The following STON1 variants were observed in gnomAD, a reference collection of about 807,000 sequenced individuals.
STON1 encodes the protein stonin 1.
Under a neutral mutation model 60.9 loss-of-function variants are expected in STON1, and 79 were observed. The observed-to-expected ratio is 1.30, with a 90% CI of 1.08 to 1.56. The LOEUF is 1.56. Among genes scored for constraint, STON1 ranks in the 40% most tolerant of loss-of-function variants. The probability of loss-of-function intolerance (pLI) is 0.00; values close to 1 mark genes in which losing one functional copy is unlikely to be tolerated. For synonymous variants in STON1, 363 were observed against 306.9 expected, an observed-to-expected ratio of 1.18 and a Z score of -1.91; for missense variants, 1,166 against 858.9, an observed-to-expected ratio of 1.36 and a Z score of -4.47.
At chr2:48,560,412 A>G (rs968324285) in intron 1 of STON1, among the ~76,000 whole-genome samples, 1 of 152,146 alleles carries the variant, frequency 6.6e-6, no homozygotes, top group African/African-American at 2.4e-5. Flanking sequence ...CCCCTTAGGG[A>G]TAATGCCCTT....
chr2:48,587,674 C>T (rs1347681511), intron 2 of STON1, among the ~76,000 whole-genome samples: 4 of 152,192 alleles, frequency 2.6e-5, no homozygotes, highest in African/African-American at 7.2e-5. Context: ...TGGACCTGAT[C>T]TTGGCCTTCA....
chr2:48,579,270 G>T (rs1405633337), intron 1 of STON1, among the ~76,000 whole-genome samples: 1 of 151,472 alleles, frequency 6.6e-6, no homozygotes, highest in African/African-American at 2.4e-5. Flanking sequence ...CTCCCAAAGT[G>T]CTGGGATTAT....
chr2:48,558,216 C>T (rs1202623252), intron 1 of STON1, among the ~76,000 whole-genome samples: 2 of 152,178 alleles, frequency 1.3e-5, no homozygotes, highest in African/African-American at 2.4e-5. Context: ...GAGCGAAACT[C>T]TGTCTGTCTC....
intron 3 of STON1, 71 bp downstream of exon 3, chr2:48,591,926 C>G: frequency 6.5e-7 from 1 of 1,544,938 alleles, no homozygotes; most frequent in Non-Finnish European, 8.8e-7. Flanking sequence ...CTTTTGTGAT[C>G]GTGTATGTGT....
intron 1 of STON1, among the ~76,000 whole-genome samples, chr2:48,564,599 C>CTCCTT (rs1479591843): frequency 2.3e-5 from 1 of 43,868 alleles, no homozygotes; most frequent in African/African-American, 7.9e-5. Flanking sequence ...TCCTCCTCCT[C>CTCCTT]CTCCTTCTCC....
rs571634051 is a variant in STON1, at chr2:48,598,375, C to G, written c.*3073C>G. On this transcript the variant is annotated 3_prime_UTR_variant, in exon 4 of 4. Transcript: ENST00000404752. ...GTTAGAAGGACTTCCTTAACAATGA[C>G]TATTATAATGTCTTACTTAAAATAC... The G allele has an allele frequency of 1.3e-5, 2 of 152,556 alleles. No individual in the cohort carries two copies. Among genetic ancestry groups the G allele is most frequent in the Non-Finnish European group, 2.9e-5 (2 of 68,034 alleles). 9.5% of individuals were successfully genotyped at this position (152,556 alleles called of 1,614,324 possible). A position where few individuals can be genotyped will look rare whatever the true frequency, so the allele number is the denominator to read the frequency against.
At chr2:48,589,440 G>A (rs1041527632) in intron 2 of STON1, among the ~76,000 whole-genome samples, 9 of 152,178 alleles carry the variant, frequency 5.9e-5, no homozygotes, top group African/African-American at 1.9e-4. Flanking sequence ...AAAATAATCT[G>A]TTAAGCCCCA....
chr2:48,582,573 C>A lies in STON1; in HGVS notation c.1930+10C>A. ...CCAGACAAAAATTCAAGTAAATATTCAACACCCCAAGTTTATTTTCATGGG... is the reference window on the plus strand; with the variant it reads ...CCAGACAAAAATTCAAGTAAATATTAAACACCCCAAGTTTATTTTCATGGG... On this transcript the variant is annotated intron_variant, in intron 2 of 3. Transcript: ENST00000404752. The A allele has an allele frequency of 6.2e-7, 1 of 1,601,800 alleles. No homozygotes were observed.
chr2:48,573,517 G>T (rs80103551), intron 1 of STON1, among the ~76,000 whole-genome samples: 10,034 of 152,252 alleles, frequency 0.066, 468 homozygotes, highest in Non-Finnish European at 0.099. Context: ...CACAGCTAGT[G>T]AGTGACAGAG....
intron 1 of STON1, among the ~76,000 whole-genome samples, chr2:48,563,662 C>A (rs1672700891): frequency 1.3e-5 from 2 of 151,512 alleles, no homozygotes; most frequent in South Asian, 4.2e-4. Flanking sequence ...GGCACACCCT[C>A]CACGTGGCTT....
intron 1 of STON1, among the ~76,000 whole-genome samples, chr2:48,540,329 G>C (rs929581605): frequency 6.6e-6 from 1 of 152,168 alleles, no homozygotes; most frequent in Non-Finnish European, 1.5e-5. Flanking sequence ...TTAGGCCTCA[G>C]AGGCAGCCCT....
At chr2:48,584,513 C>G (rs944480243) in intron 2 of STON1, among the ~76,000 whole-genome samples, 1 of 152,130 alleles carries the variant, frequency 6.6e-6, no homozygotes, top group African/African-American at 2.4e-5. Context: ...AGTGATCCAC[C>G]CGCCTTGGCC....
chr2:48,539,957 CACTA>C (rs1671590669), intron 1 of STON1, among the ~76,000 whole-genome samples: 1 of 152,050 alleles, frequency 6.6e-6, no homozygotes, highest in South Asian at 2.1e-4. Context: ...GTAAGTGCCT[CACTA>C]ACAGCTCATG....
chr2:48,553,811 G>A (rs1672200049), intron 1 of STON1, among the ~76,000 whole-genome samples: 1 of 152,122 alleles, frequency 6.6e-6, no homozygotes, highest in Non-Finnish European at 1.5e-5. Flanking sequence ...TAGGAGAATT[G>A]ATCCTCGTAG....
intron 1 of STON1, among the ~76,000 whole-genome samples, chr2:48,538,087 G>A (rs2103743751): frequency 6.6e-6 from 1 of 151,790 alleles, no homozygotes; most frequent in African/African-American, 2.4e-5. Context: ...CTTAGTAGCT[G>A]GGATTACAGG....
At chr2:48,558,613 C>T (rs1466011874) in intron 1 of STON1, among the ~76,000 whole-genome samples, 2 of 152,178 alleles carry the variant, frequency 1.3e-5, no homozygotes, top group African/African-American at 2.4e-5. Context: ...TGAATAAAGC[C>T]AGGTGGGAGA....
At chr2:48,583,554 A>G (rs1674022153) in intron 2 of STON1, among the ~76,000 whole-genome samples, 1 of 152,068 alleles carries the variant, frequency 6.6e-6, no homozygotes. Flanking sequence ...GACATAATAT[A>G]ATAAAGTCAA....
intron 1 of STON1, among the ~76,000 whole-genome samples, chr2:48,564,488 TC>T (rs1672796402): frequency 4.7e-5 from 1 of 21,258 alleles, no homozygotes; most frequent in African/African-American, 1.8e-4. Context: ...TCTTTCTTCT[TC>T]TTCTTCTTCT....
At chr2:48,555,365 A>G (rs1310640616) in intron 1 of STON1, among the ~76,000 whole-genome samples, 20 of 33,792 alleles carry the variant, frequency 5.9e-4, no homozygotes, top group Non-Finnish European at 7.3e-4. Context: ...CTGGCCGGGC[A>G]GAGGGGCTCC....
Sources: gnomAD v4.1 joint callset for allele counts (sites outside exome capture counted in the v4.1 genomes callset) on GRCh38, gnomAD v4.1.1 for gene constraint, MANE v1.5 for transcripts, NCBI Gene and HGNC (gene_info 2026-07-23, HGNC 2026-07-21) for gene names.